The following SNX30 variants were observed in gnomAD, a reference collection of about 807,000 sequenced individuals.
The protein encoded by SNX30 is sorting nexin-30.
SNX30 carries 24 observed loss-of-function variants against 46.4 expected under a neutral mutation model. That is an observed-to-expected ratio of 0.52 (90% confidence interval 0.37 to 0.73). The LOEUF is 0.73. Ranked by LOEUF, SNX30 falls within the 30% of genes least tolerant of loss-of-function variation. The pLI is 0.00. For missense variants in SNX30, 533 were observed against 555.7 expected (o/e 0.96, Z 0.41); for synonymous variants, 189 against 211.5 (o/e 0.89, Z 0.92).
chr9:112,773,190 C>T (rs183798117), intron 1 of SNX30, among the ~76,000 whole-genome samples: 1 of 152,228 alleles, frequency 6.6e-6, no homozygotes, highest in Non-Finnish European at 1.5e-5. Context: ...CTAATATAAT[C>T]ACTTACTGGC....
At chr9:112,841,740 T>G (rs1384158349) in intron 6 of SNX30, among the ~76,000 whole-genome samples, 1 of 152,220 alleles carries the variant, frequency 6.6e-6, no homozygotes, top group African/African-American at 2.4e-5. Flanking sequence ...ACCAGGAGAA[T>G]GATAGATGTC....
intron 1 of SNX30, among the ~76,000 whole-genome samples, chr9:112,798,267 A>C: frequency 1.4e-5 from 1 of 69,626 alleles, no homozygotes; most frequent in Non-Finnish European, 2.8e-5. Context: ...TCCCAATGCT[A>C]TCCCTCCCCC....
chr9:112,791,799 G>T (rs1026795461), intron 1 of SNX30, among the ~76,000 whole-genome samples: 1 of 152,082 alleles, frequency 6.6e-6, no homozygotes, highest in African/African-American at 2.4e-5. Flanking sequence ...GGTAGTTTTG[G>T]ACATGAGTAT....
At chr9:112,823,193 A>G (rs1362390775) in intron 3 of SNX30, among the ~76,000 whole-genome samples, 2 of 152,222 alleles carry the variant, frequency 1.3e-5, no homozygotes, top group African/African-American at 2.4e-5. Flanking sequence ...AGGTGTGTAT[A>G]TATAGGAAAA....
intron 1 of SNX30, among the ~76,000 whole-genome samples, chr9:112,761,558 T>A (rs1839436747): frequency 6.6e-6 from 1 of 152,024 alleles, no homozygotes; most frequent in African/African-American, 2.4e-5. Context: ...TTAACCTGGT[T>A]TTGGTTGGAC....
At chr9:112,777,745 G>A (rs1427132071) in intron 1 of SNX30, among the ~76,000 whole-genome samples, 6 of 151,128 alleles carry the variant, frequency 4.0e-5, no homozygotes, top group Non-Finnish European at 8.8e-5. Flanking sequence ...ACCACACTTG[G>A]CCTCCATGTA....
chr9:112,837,033 C>T (rs140918395), intron 5 of SNX30, among the ~76,000 whole-genome samples: 3 of 152,212 alleles, frequency 2.0e-5, no homozygotes, highest in South Asian at 2.1e-4. Flanking sequence ...ATGCATGGGG[C>T]GGACAGACGT....
At chr9:112,755,265 G>A (rs1429666729) in intron 1 of SNX30, among the ~76,000 whole-genome samples, 1 of 152,216 alleles carries the variant, frequency 6.6e-6, no homozygotes, top group Non-Finnish European at 1.5e-5. Context: ...AGGTGAGGGA[G>A]TTAGTGGGTG....
intron 1 of SNX30, among the ~76,000 whole-genome samples, chr9:112,763,084 G>C (rs931520913): frequency 6.6e-6 from 1 of 152,190 alleles, no homozygotes; most frequent in Non-Finnish European, 1.5e-5. Context: ...GTAGGTGGAA[G>C]TCAGACCAGT....
chr9:112,781,854 C>T (rs1036127567), intron 1 of SNX30, among the ~76,000 whole-genome samples: 6 of 150,646 alleles, frequency 4.0e-5, no homozygotes, highest in Admixed American at 3.3e-4. Flanking sequence ...GTTGGTCAGG[C>T]TGGTCTTAAA....
At chr9:112,818,505 C>T (rs113940248) in intron 3 of SNX30, among the ~76,000 whole-genome samples, 4,638 of 152,266 alleles carry the variant, frequency 0.03, 240 homozygotes, top group African/African-American at 0.1. Context: ...GCCGGGATTA[C>T]GGGTGTGAGC....
intron 1 of SNX30, among the ~76,000 whole-genome samples, chr9:112,795,230 C>T (rs1687143677): frequency 6.6e-6 from 1 of 152,048 alleles, no homozygotes; most frequent in African/African-American, 2.4e-5. Context: ...AGCCATGTAC[C>T]ACACACTATT....
At chr9:112,855,503 CT>C (rs1178388331) in intron 7 of SNX30, among the ~76,000 whole-genome samples, 1 of 152,086 alleles carries the variant, frequency 6.6e-6, no homozygotes, top group Non-Finnish European at 1.5e-5. Context: ...AATCTGATCA[CT>C]TTTTTGTAAC....
intron 7 of SNX30, among the ~76,000 whole-genome samples, chr9:112,853,076 G>A (rs1399571196): frequency 6.6e-6 from 1 of 152,212 alleles, no homozygotes; most frequent in East Asian, 1.9e-4. Flanking sequence ...GCACAAAGGA[G>A]CTGGACAAAT....
intron 4 of SNX30, among the ~76,000 whole-genome samples, 192 bp from the exon 5 acceptor site, chr9:112,836,022 C>T (rs1840745274): frequency 6.6e-6 from 1 of 152,218 alleles, no homozygotes; most frequent in South Asian, 2.1e-4. Context: ...TGTCAACCTA[C>T]AGGAGCCTGA....
At chr9:112,865,653 A>ATGTGTGTGTGTGTGTGTGTGTG (rs1219477432) in intron 8 of SNX30, among the ~76,000 whole-genome samples, 2 of 110,448 alleles carry the variant, frequency 1.8e-5, no homozygotes, top group Non-Finnish European at 3.8e-5. Context: ...ATATATATAT[A>ATGTGTGTGTGTGTGTGTGTGTG]TATATATATG....
At chr9:112,750,472 G>C (rs1839245251), upstream of SNX30, 1 of 152,274 alleles carries the variant, frequency 6.6e-6, no homozygotes, top group Non-Finnish European at 1.5e-5. Flanking sequence ...AACGCGGGTG[G>C]AACGGAACAG....
intron 7 of SNX30, among the ~76,000 whole-genome samples, chr9:112,852,115 T>C (rs1055595714): frequency 6.6e-6 from 1 of 152,094 alleles, no homozygotes; most frequent in Non-Finnish European, 1.5e-5. Context: ...GGGCTGGCCA[T>C]AGGCAGGCCT....
intron 3 of SNX30, among the ~76,000 whole-genome samples, chr9:112,818,508 G>A (rs1342397929): frequency 6.6e-6 from 1 of 152,216 alleles, no homozygotes; most frequent in Admixed American, 6.5e-5. Context: ...GGGATTACGG[G>A]TGTGAGCCAC....
Sources: gnomAD v4.1 joint callset for allele counts (sites outside exome capture counted in the v4.1 genomes callset) on GRCh38, gnomAD v4.1.1 for gene constraint, MANE v1.5 for transcripts, NCBI Gene and HGNC (gene_info 2026-07-23, HGNC 2026-07-21) for gene names.